The following NOS1AP variants were observed in gnomAD, a reference collection of about 807,000 sequenced individuals.
NOS1AP encodes the protein nitric oxide synthase 1 adaptor protein, also known as carboxyl-terminal PDZ ligand of neuronal nitric oxide synthase protein.
Under a neutral mutation model 56.2 loss-of-function variants are expected in NOS1AP, and 21 were observed. That is an observed-to-expected ratio of 0.37 (90% CI 0.26 to 0.54). The LOEUF is 0.54. Ranked by LOEUF, NOS1AP falls within the 20% of genes least tolerant of loss-of-function variation. NOS1AP has a pLI of 0.84. For missense variants in NOS1AP, 522 were observed against 657.8 expected (o/e 0.79, Z 2.26); for synonymous variants, 270 against 274.6 (o/e 0.98, Z 0.17).
intron 7 of NOS1AP, 88 bp downstream of exon 7, chr1:162,355,441 C>T (rs987855119): frequency 1.8e-5 from 28 of 1,519,598 alleles, no homozygotes; most frequent in South Asian, 1.4e-4. Context: ...GCTCAGCTTC[C>T]GAGTGAGGCA....
At chr1:162,167,013 G>C (rs962596551) in intron 2 of NOS1AP, among the ~76,000 whole-genome samples, 4 of 152,184 alleles carry the variant, frequency 2.6e-5, no homozygotes, top group African/African-American at 9.7e-5. Context: ...CTGCCTCTGG[G>C]TATTCTGTTC....
chr1:162,143,307 T>G (rs1028941157), intron 1 of NOS1AP, among the ~76,000 whole-genome samples: 4 of 152,216 alleles, frequency 2.6e-5, no homozygotes, highest in Non-Finnish European at 5.9e-5. Flanking sequence ...TCTGGCATTT[T>G]AGATCACCTC....
At chr1:162,208,824 A>T (rs775047606) in intron 2 of NOS1AP, among the ~76,000 whole-genome samples, 51 of 152,372 alleles carry the variant, frequency 3.3e-4, no homozygotes, top group Non-Finnish European at 1.0e-4. Context: ...TAGATGTCTA[A>T]TAAATGTTTA....
At chr1:162,288,182 A>G (rs1358435243) in intron 3 of NOS1AP, among the ~76,000 whole-genome samples, 1 of 152,210 alleles carries the variant, frequency 6.6e-6, no homozygotes, top group East Asian at 1.9e-4. Context: ...AAAGAAACAG[A>G]AAAGAGCTTG....
intron 2 of NOS1AP, among the ~76,000 whole-genome samples, chr1:162,266,826 C>T (rs1023172485): frequency 6.6e-6 from 1 of 152,162 alleles, no homozygotes; most frequent in Non-Finnish European, 1.5e-5. Flanking sequence ...TGCTTTTCTC[C>T]CAAGGGGATA....
chr1:162,119,528 G>C (rs76662883), intron 1 of NOS1AP, among the ~76,000 whole-genome samples: 2 of 152,278 alleles, frequency 1.3e-5, no homozygotes, highest in African/African-American at 4.8e-5. Flanking sequence ...ACAACAAATG[G>C]TAAAATATAA....
At chr1:162,281,814 A>G (rs1003081656) in intron 2 of NOS1AP, among the ~76,000 whole-genome samples, 25 of 152,254 alleles carry the variant, frequency 1.6e-4, no homozygotes, top group African/African-American at 5.8e-4. Flanking sequence ...GGTAAAATAT[A>G]CATGACATAA....
At position 162,367,402 on chromosome 1, in the gene NOS1AP, C is replaced by G; in HGVS notation, c.1456C>G (p.Arg486Gly). ...RDSWSQEELPRLLNVLQRQEL... is the reference protein window; with the variant it reads ...RDSWSQEELPGLLNVLQRQEL... Reference sequence around the variant, plus strand: ...CTCGTGGTCCCAGGAGGAGCTGCCGCGCCTGCTGAATGTCCTGCAGAGGCA... The same window carrying G: ...CTCGTGGTCCCAGGAGGAGCTGCCGGGCCTGCTGAATGTCCTGCAGAGGCA... Residue 486 changes from arginine to glycine, a missense_variant, in exon 10 of 10, where the codon CGC becomes GGC. Coordinates refer to ENST00000361897, the MANE Select transcript of NOS1AP (RefSeq NM_014697.3). This position sits in a 1 kb window ranked among gnomAD's most constrained non-coding sequence, Gnocchi z 6.5. The G allele has an allele frequency of 6.3e-7, 1 of 1,598,752 alleles. No individual in the cohort carries two copies. The highest frequency in any genetic ancestry group is 1.3e-5 in the African/African-American group (1 of 74,774).
At chr1:162,082,337 C>T (rs933135952) in intron 1 of NOS1AP, among the ~76,000 whole-genome samples, 1 of 152,158 alleles carries the variant, frequency 6.6e-6, no homozygotes, top group Non-Finnish European at 1.5e-5. Flanking sequence ...GTCTATCTAT[C>T]ATTGATAGGC....
At chr1:162,350,918 C>T (rs144759270) in intron 6 of NOS1AP, among the ~76,000 whole-genome samples, 26 of 152,290 alleles carry the variant, frequency 1.7e-4, no homozygotes, top group African/African-American at 3.8e-4. Flanking sequence ...GCTCCAAGAT[C>T]GGTAACTTTT....
chr1:162,196,085 G>A (rs1365017771), intron 2 of NOS1AP, among the ~76,000 whole-genome samples: 1 of 152,252 alleles, frequency 6.6e-6, no homozygotes, highest in African/African-American at 2.4e-5. Context: ...GGGGGTTAAA[G>A]AACAGTTACC....
At chr1:162,104,424 T>C (rs1363814873) in intron 1 of NOS1AP, among the ~76,000 whole-genome samples, 1 of 152,226 alleles carries the variant, frequency 6.6e-6, no homozygotes, top group African/African-American at 2.4e-5. Context: ...ACTAAGGTTC[T>C]CTGCATTTTC....
At chr1:162,171,007 C>T (rs552285366) in intron 2 of NOS1AP, among the ~76,000 whole-genome samples, 12 of 152,088 alleles carry the variant, frequency 7.9e-5, no homozygotes, top group South Asian at 2.1e-4. Context: ...GGAGCTCATC[C>T]TGCAGGGAGG....
intron 2 of NOS1AP, among the ~76,000 whole-genome samples, chr1:162,218,747 C>T (rs116475683): frequency 1.3e-5 from 2 of 152,084 alleles, no homozygotes; most frequent in Non-Finnish European, 2.9e-5. Context: ...TCAGGAGTGT[C>T]CCGGGCACCC....
At chr1:162,144,916 G>T (rs1649395796) in intron 1 of NOS1AP, among the ~76,000 whole-genome samples, 1 of 152,174 alleles carries the variant, frequency 6.6e-6, no homozygotes, top group Non-Finnish European at 1.5e-5. Flanking sequence ...TGGGCACGCT[G>T]GTTGGATCGT....
At chr1:162,131,672 T>A (rs1648753140) in intron 1 of NOS1AP, among the ~76,000 whole-genome samples, 1 of 152,076 alleles carries the variant, frequency 6.6e-6, no homozygotes, top group Non-Finnish European at 1.5e-5. Context: ...CAAGCTCAGC[T>A]GAAACAGCCC....
At position 162,343,976 on chromosome 1, in the gene NOS1AP, G is replaced by A. The variant is rs1657191089; in HGVS notation, c.595G>A (p.Gly199Ser). 1.9e-6 allele frequency: 3 copies of A among 1,614,096 alleles called. No individual in the cohort carries two copies. Among genetic ancestry groups the A allele is most frequent in the East Asian group, 4.5e-5 (2 of 44,848 alleles). ...GAACAGCAACAGCTCAGGAGACCCA[G>A]GTAGGCACTGCGGCTTCTGTGGATG... ...ERNSNSSGDP[G>S]RQLTGAERAS... is the part of the protein sequence containing the mutation. Residue 199 changes from glycine to serine, a missense_variant and splice_region_variant, in exon 6 of 10, where the codon GGC (glycine) becomes AGC (serine). Transcript: ENST00000361897.
chr1:162,195,421 G>C (rs1557828411), intron 2 of NOS1AP, among the ~76,000 whole-genome samples: 1 of 152,098 alleles, frequency 6.6e-6, no homozygotes, highest in Non-Finnish European at 1.5e-5. Context: ...AGTAATGTCA[G>C]GTTTACCATT....
chr1:162,111,780 C>T (rs12085258), intron 1 of NOS1AP, among the ~76,000 whole-genome samples: 17,619 of 152,188 alleles, frequency 0.12, 2,276 homozygotes, highest in African/African-American at 0.32. Flanking sequence ...TGTAGTCCCT[C>T]ACAGTCATCG....
Sources: allele counts gnomAD v4.1 joint callset (sites outside exome capture counted in the v4.1 genomes callset), GRCh38; gene constraint gnomAD v4.1.1; non-coding constraint Gnocchi (gnomAD v3.1); transcripts MANE v1.5; gene names NCBI Gene and HGNC (gene_info 2026-07-23, HGNC 2026-07-21).